Variants in ZMYND11 observed in about 807,000 individuals in gnomAD.
ZMYND11 encodes the protein zinc finger MYND domain-containing protein 11.
ZMYND11 carries 9 observed loss-of-function variants against 84.9 expected under a neutral mutation model. The observed-to-expected ratio is 0.11, with a 90% CI of 0.06 to 0.18. The LOEUF is 0.18. ZMYND11 is among the 10% of genes least tolerant of loss of function. The pLI is 1.00. For missense variants in ZMYND11, 409 were observed against 761.0 expected (o/e 0.54, Z 5.44); for synonymous variants, 250 against 244.1 (o/e 1.02, Z -0.23).
chr10:243,495 C>G (rs1391131297), intron 10 of ZMYND11, among the ~76,000 whole-genome samples: 1 of 152,148 alleles, frequency 6.6e-6, no homozygotes, highest in East Asian at 1.9e-4. Flanking sequence ...ATACTGTCTT[C>G]AACCATGAGT....
intron 4 of ZMYND11, among the ~76,000 whole-genome samples, chr10:234,930 T>A (rs1338041676): frequency 1.6e-4 from 25 of 151,932 alleles, no homozygotes; most frequent in Admixed American, 1.6e-3. Flanking sequence ...AAATGGAGGA[T>A]CATTTTTTAC....
chr10:132,179 AAT>A (rs1835324393), upstream of ZMYND11, among the ~76,000 whole-genome samples: 1 of 151,824 alleles, frequency 6.6e-6, no homozygotes, highest in Non-Finnish European at 1.5e-5. Flanking sequence ...AGTCTTAGAA[AAT>A]ATTTCATTGG....
intron 2 of ZMYND11, among the ~76,000 whole-genome samples, chr10:182,629 A>G (rs1848117965): frequency 6.6e-6 from 1 of 152,232 alleles, no homozygotes. Flanking sequence ...ACATCAGAGC[A>G]TCCTGTACTT....
intron 2 of ZMYND11, among the ~76,000 whole-genome samples, chr10:200,190 G>T (rs868722352): frequency 8.2e-5 from 12 of 145,902 alleles, no homozygotes; most frequent in African/African-American, 2.6e-4. Context: ...GACATGTGCT[G>T]CCATGCCTGG....
intron 1 of ZMYND11, among the ~76,000 whole-genome samples, chr10:136,225 A>T (rs988598160): frequency 6.6e-6 from 1 of 151,974 alleles, no homozygotes; most frequent in Non-Finnish European, 1.5e-5. Flanking sequence ...GCTGCTGAGG[A>T]CGCGGCTGGG....
chr10:168,290 T>A (rs1395246258), intron 1 of ZMYND11, among the ~76,000 whole-genome samples: 3 of 151,702 alleles, frequency 2.0e-5, no homozygotes, highest in African/African-American at 7.3e-5. Flanking sequence ...CCAAACACAT[T>A]AAAAAAAACT....
At chr10:221,824 G>C (rs1403699376) in intron 4 of ZMYND11, among the ~76,000 whole-genome samples, 3 of 149,742 alleles carry the variant, frequency 2.0e-5, no homozygotes, top group Non-Finnish European at 4.4e-5. Flanking sequence ...GTTTTTTTTT[G>C]CTTATATTTT....
intron 2 of ZMYND11, 96 bp from the exon 3 acceptor site, chr10:209,792 GT>G: frequency 8.2e-7 from 1 of 1,221,406 alleles, no homozygotes. Context: ...ATAAATACAA[GT>G]CATAATGAAA....
At chr10:144,055 A>G (rs1838122356) in intron 1 of ZMYND11, among the ~76,000 whole-genome samples, 1 of 151,596 alleles carries the variant, frequency 6.6e-6, no homozygotes, top group Non-Finnish European at 1.5e-5. Context: ...TTTTTTTTTA[A>G]TATTTTAAGG....
At chr10:239,163 A>G (rs576726337) in intron 6 of ZMYND11, among the ~76,000 whole-genome samples, 23 of 152,318 alleles carry the variant, frequency 1.5e-4, no homozygotes, top group Non-Finnish European at 3.1e-4. Flanking sequence ...TTATTGTCAA[A>G]TGAGATGTTC....
At chr10:247,743 T>A (rs1214731432) in intron 12 of ZMYND11, among the ~76,000 whole-genome samples, 3 of 152,224 alleles carry the variant, frequency 2.0e-5, no homozygotes, top group Non-Finnish European at 4.4e-5. Context: ...CACATTGCTA[T>A]TAATACATTT....
chr10:175,769 A>G (rs2131716689), intron 1 of ZMYND11, among the ~76,000 whole-genome samples: 1 of 152,282 alleles, frequency 6.6e-6, no homozygotes, highest in Non-Finnish European at 1.5e-5. Context: ...TAATATATAA[A>G]TGGGAAAATG....
rs1844638707 is a variant in ZMYND11 at position 168,906 on chromosome 10, A to G, written c.-19-11088A>G. On this transcript the variant is annotated intron_variant, in intron 1 of 14. Transcript: ENST00000381604. The stretch of plus-strand genomic sequence containing the variant: ...GTATGGACAACTCTGAGAGTTAGAA[A>G]CTTCAGAGGGACCCAGTCACGGGGG... Among the ~76,000 whole-genome samples the G allele has an allele frequency of 2.0e-5, 3 of 152,218 alleles. No homozygotes were observed. The South Asian group carries it at 6.2e-4, about 32-fold the overall frequency.
intron 2 of ZMYND11, chr10:197,829 A>G: frequency 2.2e-6 from 1 of 444,912 alleles, no homozygotes; most frequent in Admixed American, 4.2e-5. Context: ...AATATGCCAA[A>G]ACAGTACTCT....
chr10:240,501 T>G (rs1387047545), intron 8 of ZMYND11, among the ~76,000 whole-genome samples: 1 of 152,208 alleles, frequency 6.6e-6, no homozygotes, highest in Admixed American at 6.5e-5. Context: ...AGATTCTGTC[T>G]CAAAACAAAA....
At chr10:162,373 A>G (rs1035903651) in intron 1 of ZMYND11, among the ~76,000 whole-genome samples, 2 of 152,204 alleles carry the variant, frequency 1.3e-5, no homozygotes, top group Admixed American at 6.5e-5. Context: ...ATCCAGAGAC[A>G]TGAACTGGGC....
intron 3 of ZMYND11, among the ~76,000 whole-genome samples, chr10:215,350 C>T (rs1011939125): frequency 2.0e-5 from 3 of 151,898 alleles, no homozygotes; most frequent in East Asian, 1.9e-4. Flanking sequence ...ACTACTTCTC[C>T]CTTTACTTAC....
At chr10:241,985 A>G (rs1350307636) in intron 9 of ZMYND11, 36 bp from the exon 10 acceptor site, 1 of 1,606,888 alleles carries the variant, frequency 6.2e-7, no homozygotes. Flanking sequence ...TAATACTTTA[A>G]AAGTAATATA....
At chr10:156,632 AAAAAC>A (rs1385017772) in intron 1 of ZMYND11, among the ~76,000 whole-genome samples, 4 of 152,234 alleles carry the variant, frequency 2.6e-5, no homozygotes, top group Non-Finnish European at 5.9e-5. Flanking sequence ...CTTATTAAGT[AAAAAC>A]AAAACAAAAT....
Sources: gnomAD v4.1 joint callset for allele counts (sites outside exome capture counted in the v4.1 genomes callset) on GRCh38, gnomAD v4.1.1 for gene constraint, MANE v1.5 for transcripts, NCBI Gene and HGNC (gene_info 2026-07-23, HGNC 2026-07-21) for gene names.